The following HK2 variants were observed in gnomAD, a reference collection of about 807,000 sequenced individuals.
HK2 encodes the protein hexokinase-2.
A neutral mutation model predicts 92.9 loss-of-function variants in HK2; 42 were observed. The ratio of observed to expected loss-of-function variants is 0.45; its 90% CI spans 0.35 to 0.58. The LOEUF is 0.58. Among genes scored for constraint, HK2 ranks in the 20% least tolerant of loss-of-function variants. The pLI, the probability that HK2 is intolerant of heterozygous loss-of-function variation, is 0.00. For missense variants in HK2, 978 were observed against 1,245.1 expected (o/e 0.79, Z 3.23); for synonymous variants, 422 against 468.0 (o/e 0.90, Z 1.27).
chr2:74,875,406 G>A (rs933267209), intron 7 of HK2, among the ~76,000 whole-genome samples: 1 of 132,890 alleles, frequency 7.5e-6, no homozygotes, highest in African/African-American at 2.8e-5. Flanking sequence ...TTGGCTCACC[G>A]CAATCTCTGC....
rs541801414 is a variant in HK2, at chr2:74,891,058, C to T, written c.*117C>T. 1 of 1,208,418 alleles carries T rather than the reference C, an allele frequency of 8.3e-7. No homozygotes were observed. Among genetic ancestry groups the T allele is most frequent in the Non-Finnish European group, 1.2e-6 (1 of 850,050 alleles). The allele number at this position is 1,208,418 out of a possible 1,614,324, so 74.9% of individuals were successfully genotyped here. On this transcript the variant is annotated 3_prime_UTR_variant, in exon 18 of 18. Transcript: ENST00000290573. The stretch of plus-strand genomic sequence containing the variant: ...CTTGGCTTTTGCTTGGCAGAGAGGA[C>T]CCCACTGGACTGGGTTTTGTCTCTG...
intron 1 of HK2, among the ~76,000 whole-genome samples, chr2:74,842,365 A>T (rs547330437): frequency 6.6e-6 from 1 of 152,250 alleles, no homozygotes; most frequent in Non-Finnish European, 1.5e-5. Flanking sequence ...GAGATATTCA[A>T]CACTTTATTG....
At chr2:74,837,694 T>TC (rs1688200903) in intron 1 of HK2, among the ~76,000 whole-genome samples, 1 of 134,882 alleles carries the variant, frequency 7.4e-6, no homozygotes, top group Non-Finnish European at 1.6e-5. Flanking sequence ...TTTTTTTTTT[T>TC]GAGACACAGT....
At chr2:74,853,891 C>T (rs989595635) in intron 1 of HK2, among the ~76,000 whole-genome samples, 1 of 152,054 alleles carries the variant, frequency 6.6e-6, no homozygotes, top group African/African-American at 2.4e-5. Flanking sequence ...AAGGTGATGG[C>T]TACCTGGCCT....
At chr2:74,843,854 C>T (rs1282446789) in intron 1 of HK2, among the ~76,000 whole-genome samples, 1 of 152,204 alleles carries the variant, frequency 6.6e-6, no homozygotes, top group Non-Finnish European at 1.5e-5. Context: ...CCTGTTTCCT[C>T]CCAAACTTTT....
intron 2 of HK2, among the ~76,000 whole-genome samples, chr2:74,859,504 G>C (rs1688767040): frequency 6.6e-6 from 1 of 152,140 alleles, no homozygotes; most frequent in African/African-American, 2.4e-5. Flanking sequence ...GGCTAACACG[G>C]TGAAACCCTG....
At position 74,867,716 on chromosome 2, in the gene HK2, C is replaced by T; in HGVS notation, c.307C>T (p.Gln103Ter). The change falls in exon 3 of 18, where the codon CAG becomes TAG. Residue 103 changes from glutamine to a stop codon, truncating the protein, a stop_gained. Transcript: ENST00000290573. LOFTEE classifies it high-confidence loss of function. ...GGTGAAAGTAACGGACAATGGGCTC[C>T]AGAAGGTGGAGATGGAGAATCAGAT... is the stretch of plus-strand genomic sequence containing the variant. Reference protein sequence around the residue: ...LWVKVTDNGLQKVEMENQIYA... With the variant: ...LWVKVTDNGL 1.2e-6 allele frequency: 2 copies of T among 1,614,112 alleles called. No homozygotes were observed. Among genetic ancestry groups the T allele is most frequent in the South Asian group, 2.2e-5 (2 of 91,072 alleles).
chr2:74,838,305 C>T (rs1274754191), intron 1 of HK2, among the ~76,000 whole-genome samples: 5 of 152,004 alleles, frequency 3.3e-5, no homozygotes. Flanking sequence ...ACCAGGGCTG[C>T]AGGAAGTGGA....
chr2:74,881,991 A>C (rs1441506318), intron 11 of HK2, 129 bp from the exon 12 acceptor site: 23 of 1,406,800 alleles, frequency 1.6e-5, no homozygotes, highest in Non-Finnish European at 1.8e-5. Flanking sequence ...CCTGGTCTTG[A>C]CTCAGGTTTG....
intron 2 of HK2, among the ~76,000 whole-genome samples, chr2:74,864,073 G>C (rs1456242965): frequency 1.3e-5 from 2 of 152,120 alleles, no homozygotes; most frequent in Non-Finnish European, 2.9e-5. Context: ...GGGCAAACTG[G>C]GATGGTTGGC....
Position 74,881,620 on chromosome 2 carries a change from G to A in HK2, c.1571-91G>A. ...ATATAAAGTGGCATTTGATGGAACA[G>A]GAATGGTGTATTTGGATCGTTTTAA... On this transcript the variant is annotated intron_variant, in intron 10 of 17. Coordinates refer to ENST00000290573, the MANE Select transcript of HK2 (RefSeq NM_000189.5). 2.3e-6 allele frequency: 3 copies of A among 1,299,154 alleles called. No homozygotes were observed. In the South Asian group the frequency reaches 3.6e-5, roughly 16 times the overall value. 80.5% of individuals were successfully genotyped at this position (1,299,154 alleles called of 1,614,324 possible). A position where few individuals can be genotyped will look rare whatever the true frequency, so the allele number is the denominator to read the frequency against.
Position 74,887,961 on chromosome 2 carries a change from G to A in HK2, c.2278G>A (p.Asp760Asn), listed in dbSNP as rs1031667640. 11 of 1,613,870 alleles carry A rather than the reference G, an allele frequency of 6.8e-6. No homozygotes were observed. Among genetic ancestry groups the A allele is most frequent in the Admixed American group, 1.7e-5 (1 of 59,992 alleles). ...TGAGATTGTCCGTAACATTCTCATC[G>A]ATTTCACCAAGCGTGGACTACTCTT... ...LGEIVRNILI[D>N]FTKRGLLFRG... The change falls in exon 16 of 18, where the codon GAT becomes AAT. Residue 760 changes from aspartate (D) to asparagine (N), a missense_variant. Around this residue, in one of 3 missense-constraint regions of HK2, gnomAD observed 742 missense variants for 922.5 expected, o/e 0.80. Transcript: ENST00000290573.
intron 2 of HK2, among the ~76,000 whole-genome samples, chr2:74,862,092 C>A (rs3771775): frequency 0.21 from 32,628 of 152,068 alleles, 3,734 homozygotes; most frequent in Admixed American, 0.33. Context: ...GTGCCAGGTA[C>A]TGTGCTGAAC....
intron 17 of HK2, 65 bp from the exon 18 acceptor site, chr2:74,890,732 A>G (rs1196127868): frequency 2.5e-6 from 4 of 1,577,670 alleles, no homozygotes; most frequent in Non-Finnish European, 3.5e-6. Flanking sequence ...TTCATTTCTA[A>G]GTGCAAATAC....
At chr2:74,869,893 A>T (rs763103639) in intron 3 of HK2, among the ~76,000 whole-genome samples, 26 of 152,078 alleles carry the variant, frequency 1.7e-4, no homozygotes, top group South Asian at 4.2e-4. Flanking sequence ...ACTGTCTCCT[A>T]TCTTCCCTGT....
rs1199189816 is a variant in HK2 at position 74,878,935 on chromosome 2, C to G, written c.1265+14C>G. On this transcript the variant is annotated intron_variant, in intron 9 of 17. Transcript: ENST00000290573. ...GAAACACCCCCAGTGAGTCAGTGTGCAGGGCCTGGAGATGCGGAGTTCCTG... is the reference window on the plus strand; with the variant it reads ...GAAACACCCCCAGTGAGTCAGTGTGGAGGGCCTGGAGATGCGGAGTTCCTG... The G allele has an allele frequency of 6.5e-7, 1 of 1,542,972 alleles. No individual in the cohort carries two copies. Among genetic ancestry groups the G allele is most frequent in the Non-Finnish European group, 8.8e-7 (1 of 1,139,412 alleles).
rs1480549371 is a variant in HK2 at position 74,892,795 on chromosome 2, G to A, written c.*1854G>A. ...GAAAACAGCCCAGGTCCTCCCGGGA[G>A]CACAGAGGGGCTAGGGGCTGGTCCT... is the stretch of plus-strand genomic sequence containing the variant. On this transcript the variant is annotated 3_prime_UTR_variant, in exon 18 of 18. Transcript: ENST00000290573. 1 of 152,168 alleles carries A rather than the reference G, an allele frequency of 6.6e-6. No homozygotes were observed. The highest frequency in any genetic ancestry group is 6.5e-5 in the Admixed American group (1 of 15,274). 9.4% of individuals were successfully genotyped at this position (152,168 alleles called of 1,614,324 possible).
intron 2 of HK2, among the ~76,000 whole-genome samples, chr2:74,866,796 C>G (rs956521874): frequency 6.6e-6 from 1 of 152,274 alleles, no homozygotes; most frequent in South Asian, 2.1e-4. Flanking sequence ...TTCTGATAAG[C>G]CTGAGATCCT....
intron 2 of HK2, among the ~76,000 whole-genome samples, chr2:74,865,405 A>G (rs1688921296): frequency 6.6e-6 from 1 of 151,918 alleles, no homozygotes; most frequent in Non-Finnish European, 1.5e-5. Flanking sequence ...CAGCCTCGCC[A>G]CCTCGGTCCC....
Sources: allele counts gnomAD v4.1 joint callset (sites outside exome capture counted in the v4.1 genomes callset), GRCh38; gene constraint gnomAD v4.1.1; regional missense constraint gnomAD v4.1.1; transcripts MANE v1.5; gene names NCBI Gene and HGNC (gene_info 2026-07-23, HGNC 2026-07-21).